Variants in ZNF74 observed in about 807,000 individuals in gnomAD.
The protein encoded by ZNF74 is zinc finger protein 520.
Under a neutral mutation model 17.7 loss-of-function variants are expected in ZNF74, and 12 were observed. That is an observed-to-expected ratio of 0.68 (90% CI 0.43 to 1.10). The LOEUF is 1.10. Ranked by LOEUF, ZNF74 falls within the 50% of genes least tolerant of loss-of-function variation. The probability of loss-of-function intolerance (pLI) is 0.00; values close to 1 mark genes in which losing one functional copy is unlikely to be tolerated. For missense variants in ZNF74, 811 were observed against 881.0 expected (o/e 0.92, Z 1.01); for synonymous variants, 358 against 362.1 (o/e 0.99, Z 0.13).
At chr22:20,399,611 C>T (rs1242798931) in intron 2 of ZNF74, 2 of 393,506 alleles carry the variant, frequency 5.1e-6, no homozygotes, top group African/African-American at 4.4e-5. Flanking sequence ...GCTCTTGTCA[C>T]CCAGGCTGGA....
Position 20,395,377 on chromosome 22 carries a change from G to A in ZNF74, c.79G>A (p.Glu27Lys). The A allele has an allele frequency of 6.2e-7, 1 of 1,606,620 alleles. No individual in the cohort carries two copies. The highest frequency in any genetic ancestry group is 8.5e-7 in the Non-Finnish European group (1 of 1,174,232). Residue 27 changes from glutamate to lysine, a missense_variant, in exon 2 of 5, where the codon GAG (glutamate) becomes AAG (lysine). Coordinates refer to ENST00000400451, the MANE Select transcript of ZNF74 (RefSeq NM_003426.4). ...DPALSLKENL[E>K]DISGWGLPEA... is the part of the protein sequence containing the mutation. ...TGCTCTTTCCCTGAAAGAGAATCTC[G>A]AGGATATATCGGGTTGGGGTCTTCC...
At position 20,406,813 on chromosome 22, in the gene ZNF74, A is replaced by G. The variant is rs770365471; in HGVS notation, c.1780A>G (p.Ser594Gly). 1 of 1,613,996 alleles carries G rather than the reference A, an allele frequency of 6.2e-7. No homozygotes were observed. Among genetic ancestry groups the G allele is most frequent in the Admixed American group, 1.7e-5 (1 of 60,008 alleles). ...CATCCAGTTCAACAAACACCTGCTC[A>G]GCACATACTACGTGCCTGGCAGCCT... is the stretch of plus-strand genomic sequence containing the variant. ...LAIQFNKHLLSTYYVPGSLLG... is the reference protein window; with the variant it reads ...LAIQFNKHLLGTYYVPGSLLG... Residue 594 changes from serine (S) to glycine (G), a missense_variant, in exon 5 of 5, where the codon AGC (serine) becomes GGC (glycine). Transcript: ENST00000400451.
intron 2 of ZNF74, among the ~76,000 whole-genome samples, chr22:20,398,751 T>A (rs362062): frequency 0.34 from 51,628 of 151,958 alleles, 10,182 homozygotes; most frequent in East Asian, 0.45. Flanking sequence ...TACTTTAGTG[T>A]CTTAAGATTG....
In ZNF74 at chr22:20,408,412, T is replaced by C. The variant is rs998713563; in HGVS notation, c.*1444T>C. 1 of 152,182 alleles carries C rather than the reference T, an allele frequency of 6.6e-6. No homozygotes were observed. Among genetic ancestry groups the C allele is most frequent in the African/African-American group, 2.4e-5 (1 of 41,450 alleles). 9.4% of individuals were successfully genotyped at this position (152,182 alleles called of 1,614,324 possible). Reference sequence around the variant, plus strand: ...TCAGAAAATGTGGACTTCTGAAAAATAAAATCCCCATAATTCTTAATAAAA... The same window carrying C: ...TCAGAAAATGTGGACTTCTGAAAAACAAAATCCCCATAATTCTTAATAAAA... On this transcript the variant is annotated 3_prime_UTR_variant, in exon 5 of 5. Coordinates refer to ENST00000400451, the MANE Select transcript of ZNF74 (RefSeq NM_003426.4).
chr22:20,405,827 T>G lies in ZNF74; in HGVS notation c.794T>G (p.Leu265Arg). ...TTCCGCCAGAGCTCCTCCCTCACGC[T>G]GCACCGGCGCTGGCACAGCCGGGAG... ...KAFRQSSSLT[L>R]HRRWHSREKA... Residue 265 changes from leucine to arginine, a missense_variant, in exon 5 of 5, where the codon CTG becomes CGG. Physicochemically the swap from Leu to Arg is moderately radical, Grantham distance 102. Around this residue, in one of 3 missense-constraint regions of ZNF74, gnomAD observed 666 missense variants for 702.3 expected, o/e 0.95. Transcript: ENST00000400451. 2 of 1,613,330 alleles carry G rather than the reference T, an allele frequency of 1.2e-6. No homozygotes were observed. Among genetic ancestry groups the G allele is most frequent in the East Asian group, 4.5e-5 (2 of 44,866 alleles).
intron 2 of ZNF74, 29 bp from the exon 3 acceptor site, chr22:20,400,603 C>A: frequency 1.2e-6 from 2 of 1,613,952 alleles, no homozygotes; most frequent in Non-Finnish European, 1.7e-6. Context: ...CAGAATCAGT[C>A]CTGGGTGAGA....
chr22:20,404,331 T>C (rs2052389309), intron 4 of ZNF74, among the ~76,000 whole-genome samples: 1 of 152,016 alleles, frequency 6.6e-6, no homozygotes, highest in Non-Finnish European at 1.5e-5. Flanking sequence ...TGGGTTTTGT[T>C]TGTTTGTTTG....
chr22:20,405,253 C>T (rs2052400370), intron 4 of ZNF74, 124 bp from the exon 5 acceptor site: 1 of 1,048,012 alleles, frequency 9.5e-7, no homozygotes, highest in East Asian at 2.5e-5. Context: ...CACCTTCCAG[C>T]CTTGGCCCTG....
chr22:20,399,365 C>T (rs769187536), intron 2 of ZNF74: 8 of 170,154 alleles, frequency 4.7e-5, no homozygotes, highest in Admixed American at 1.4e-4. Context: ...TTTGCTATTA[C>T]TATAGGCACT....
Position 20,401,374 on chromosome 22 carries a change from T to G in ZNF74, c.343+2T>G. The stretch of plus-strand genomic sequence containing the variant: ...AAGTCCCCAGAGGGCCCTGTCCAGG[T>G]GAGCAGAGGCACAGGTGGAAGGGTG... On this transcript the variant is annotated splice_donor_variant, in intron 4 of 4. Coordinates refer to ENST00000400451, the MANE Select transcript of ZNF74 (RefSeq NM_003426.4). LOFTEE classifies it high-confidence loss of function. The surrounding 1 kb of genome is among the most constrained non-coding windows in gnomAD (Gnocchi z 4.2). The G allele has an allele frequency of 6.3e-7, 1 of 1,595,592 alleles. No homozygotes were observed. The highest frequency in any genetic ancestry group is 1.1e-5 in the South Asian group (1 of 88,434).
chr22:20,405,017 T>A (rs1163711008), intron 4 of ZNF74, among the ~76,000 whole-genome samples: 3 of 152,216 alleles, frequency 2.0e-5, no homozygotes, highest in Middle Eastern at 3.4e-3. Flanking sequence ...TACAGAGCAG[T>A]CGGTCAGCCG....
chr22:20,408,360 A>G lies in ZNF74; in HGVS notation c.*1392A>G, dbSNP rs1345855234. Reference sequence around the variant, plus strand: ...ATGAAATGCTTTCAGTATGCTTTTTAAATTATGCAGGCAAAATAACCACAC... The same window carrying G: ...ATGAAATGCTTTCAGTATGCTTTTTGAATTATGCAGGCAAAATAACCACAC... On this transcript the variant is annotated 3_prime_UTR_variant, in exon 5 of 5. Coordinates refer to ENST00000400451, the MANE Select transcript of ZNF74 (RefSeq NM_003426.4). 6.6e-6 allele frequency: 1 copy of G among 152,228 alleles called. No homozygotes were observed. The highest frequency in any genetic ancestry group is 2.4e-5 in the African/African-American group (1 of 41,462). 9.4% of individuals were successfully genotyped at this position (152,228 alleles called of 1,614,324 possible).
At chr22:20,398,524 A>G (rs2146092115) in intron 2 of ZNF74, among the ~76,000 whole-genome samples, 1 of 152,294 alleles carries the variant, frequency 6.6e-6, no homozygotes, top group Admixed American at 6.5e-5. Context: ...TAAATATTTG[A>G]GTACACGTAT....
At chr22:20,397,812 A>G (rs2052312257) in intron 2 of ZNF74, among the ~76,000 whole-genome samples, 1 of 152,182 alleles carries the variant, frequency 6.6e-6, no homozygotes, top group Non-Finnish European at 1.5e-5. Flanking sequence ...TCACAGTTCC[A>G]GAGGCAAGAA....
At position 20,394,677 on chromosome 22, in the gene ZNF74, T is replaced by G. The variant is rs199685036; in HGVS notation, c.34+15T>G. Reference sequence around the variant, plus strand: ...CGAGAAGACAGGTACAGCTTCACTCTTGTAGTCAGTATGTCTGTGGATTTG... The same window carrying G: ...CGAGAAGACAGGTACAGCTTCACTCGTGTAGTCAGTATGTCTGTGGATTTG... On this transcript the variant is annotated intron_variant, in intron 1 of 4. Transcript: ENST00000400451. The G allele has an allele frequency of 3.5e-5, 57 of 1,613,840 alleles. No homozygotes were observed. The African/African-American group carries it at 7.3e-4, about 21-fold the overall frequency.
rs2052440608 is a variant in ZNF74 at position 20,407,028 on chromosome 22, G to A, written c.*60G>A. 4 of 1,518,114 alleles carry A rather than the reference G, an allele frequency of 2.6e-6. No homozygotes were observed. Among genetic ancestry groups the A allele is most frequent in the East Asian group, 2.4e-5 (1 of 41,992 alleles). 94.0% of individuals were successfully genotyped at this position (1,518,114 alleles called of 1,614,324 possible). A position where few individuals can be genotyped will look rare whatever the true frequency, so the allele number is the denominator to read the frequency against. Reference sequence around the variant, plus strand: ...AGCTACTCAACAAGGAAAGCACCCTGGTCCTCCCTGGCTCCTAGATCCAGA... The same window carrying A: ...AGCTACTCAACAAGGAAAGCACCCTAGTCCTCCCTGGCTCCTAGATCCAGA... On this transcript the variant is annotated 3_prime_UTR_variant, in exon 5 of 5. Transcript: ENST00000400451.
rs1456120120 is a variant in ZNF74 at position 20,405,805 on chromosome 22, C to A, written c.772C>A (p.Arg258Ser). The A allele has an allele frequency of 1.9e-6, 3 of 1,610,930 alleles. No homozygotes were observed. In the African/African-American group the frequency reaches 4.0e-5, roughly 22 times the overall value. Residue 258 changes from arginine to serine, a missense_variant, in exon 5 of 5, where the codon CGC (arginine) becomes AGC (serine). Arg to Ser is a moderately radical substitution (Grantham distance 110, BLOSUM62 -1). Transcript: ENST00000400451. ...GTGCGGCGAGTGCGGGAAGGCGTTC[C>A]GCCAGAGCTCCTCCCTCACGCTGCA... ...FVCGECGKAF[R>S]QSSSLTLHRR...
intron 4 of ZNF74, among the ~76,000 whole-genome samples, chr22:20,403,244 A>C (rs1169322609): frequency 6.7e-6 from 1 of 148,910 alleles, no homozygotes; most frequent in Non-Finnish European, 1.5e-5. Flanking sequence ...CTATAGCAAC[A>C]CCAGCTGAGC....
At chr22:20,394,739 G>T in intron 1 of ZNF74, 77 bp downstream of exon 1, 7 of 1,364,410 alleles carry the variant, frequency 5.1e-6, no homozygotes, top group Non-Finnish European at 7.2e-6. Context: ...GATCAGGCCA[G>T]TTTCCCAGAA....
Sources: allele counts gnomAD v4.1 joint callset (sites outside exome capture counted in the v4.1 genomes callset), GRCh38; gene constraint gnomAD v4.1.1; regional missense constraint gnomAD v4.1.1; non-coding constraint Gnocchi (gnomAD v3.1); transcripts MANE v1.5; gene names NCBI Gene and HGNC (gene_info 2026-07-23, HGNC 2026-07-21).